TMTC1: variants seen among roughly 807,000 people sequenced by gnomAD.
The protein encoded by TMTC1 is transmembrane O-mannosyltransferase targeting cadherins 1.
TMTC1 carries 73 observed loss-of-function variants against 104.8 expected under a neutral mutation model. That is an observed-to-expected ratio of 0.70 (90% CI 0.58 to 0.85). TMTC1 has a LOEUF of 0.85. TMTC1 is among the 40% of genes least tolerant of loss of function. TMTC1 has a pLI of 0.00. For missense variants in TMTC1, 1,035 were observed against 1,096.1 expected (o/e 0.94, Z 0.79); for synonymous variants, 434 against 428.7 (o/e 1.01, Z -0.15).
At chr12:29,512,657 CTT>C (rs1943872456) in intron 16 of TMTC1, among the ~76,000 whole-genome samples, 1 of 152,116 alleles carries the variant, frequency 6.6e-6, no homozygotes, top group African/African-American at 2.4e-5. Flanking sequence ...ATTAGACAGT[CTT>C]TTTTCCCCTG....
chr12:29,525,037 T>C (rs754534205), intron 11 of TMTC1, among the ~76,000 whole-genome samples: 8 of 149,862 alleles, frequency 5.3e-5, no homozygotes, highest in Non-Finnish European at 1.2e-4. Flanking sequence ...ATTAGCTTTA[T>C]CTTAAGGTTT....
At chr12:29,688,642 T>C (rs1941171708) in intron 5 of TMTC1, among the ~76,000 whole-genome samples, 1 of 152,236 alleles carries the variant, frequency 6.6e-6, no homozygotes. Flanking sequence ...CTGAGTTATG[T>C]GATATAGCAG....
At position 29,525,624 on chromosome 12, in the gene TMTC1, T is replaced by C. The variant is rs114054446; in HGVS notation, c.1786-4904A>G. ...AATCTAGCGAAAGTATACTTTGGCA[T>C]GATGTATTAAAGCCTTGTAGCATTT... On this transcript the variant is annotated intron_variant, in intron 11 of 17. Transcript: ENST00000539277. Among the ~76,000 whole-genome samples the C allele has an allele frequency of 8.9e-3, 1,355 of 151,896 alleles. 26 individuals carry two copies. Among genetic ancestry groups the C allele is most frequent in the African/African-American group, 0.031 (1,287 of 41,420 alleles).
intron 8 of TMTC1, among the ~76,000 whole-genome samples, chr12:29,576,431 C>T (rs1341250228): frequency 6.6e-6 from 1 of 152,076 alleles, no homozygotes. Context: ...GGTATATACA[C>T]ACAATGAAAC....
rs1036572699 is a variant in TMTC1, at chr12:29,624,474, G to A, written c.1128+8673C>T. Among the ~76,000 whole-genome samples, 2 of 152,144 alleles carry A rather than the reference G, an allele frequency of 1.3e-5. 1 individual carries two copies. The highest frequency in any genetic ancestry group is 4.1e-4 in the South Asian group (2 of 4,828). On this transcript the variant is annotated intron_variant, in intron 6 of 17. Coordinates refer to ENST00000539277, the MANE Select transcript of TMTC1 (RefSeq NM_001193451.2). ...ATCACACACAGTATCGCACACACTC[G>A]CTCCTTAATCACACTGATGTCAACT... is the stretch of plus-strand genomic sequence containing the variant.
At chr12:29,574,580 T>C (rs1219115579) in intron 8 of TMTC1, among the ~76,000 whole-genome samples, 3 of 152,220 alleles carry the variant, frequency 2.0e-5, no homozygotes, top group Admixed American at 6.5e-5. Context: ...ATCAAAGTTA[T>C]GGCTGATTCG....
intron 6 of TMTC1, among the ~76,000 whole-genome samples, chr12:29,612,167 A>G (rs1272135093): frequency 6.6e-6 from 1 of 152,184 alleles, no homozygotes; most frequent in Non-Finnish European, 1.5e-5. Flanking sequence ...ATCTGACTTC[A>G]TAGCAGAAAC....
chr12:29,518,594 CT>C lies in TMTC1; in HGVS notation c.1901del (p.Lys634ArgfsTer21). ...TGGCCTGCTGGTAATGGGCCACTGC[CT>C]TTTCTGGTAAGCCTGTAACCAGTGA... is the stretch of plus-strand genomic sequence containing the variant. ...VFLVDTGLPE[K>X]AVAHYQQAIK... is the part of the protein sequence containing the mutation. On this transcript the variant is annotated frameshift_variant, in exon 13 of 18. Coordinates refer to ENST00000539277, the MANE Select transcript of TMTC1 (RefSeq NM_001193451.2). LOFTEE classifies it high-confidence loss of function. 1 of 1,614,054 alleles carries C rather than the reference CT, an allele frequency of 6.2e-7. No homozygotes were observed. Among genetic ancestry groups the C allele is most frequent in the Non-Finnish European group, 8.5e-7 (1 of 1,179,952 alleles).
At chr12:29,680,728 T>G (rs1382831264) in intron 5 of TMTC1, among the ~76,000 whole-genome samples, 1 of 152,166 alleles carries the variant, frequency 6.6e-6, no homozygotes, top group Non-Finnish European at 1.5e-5. Context: ...ACTGGAAGCC[T>G]GTGGAGTTGT....
intron 5 of TMTC1, among the ~76,000 whole-genome samples, chr12:29,643,605 T>A (rs12814019): frequency 7.6e-5 from 4 of 52,388 alleles, no homozygotes; most frequent in African/African-American, 1.1e-4. Flanking sequence ...TATTATATAT[T>A]ATATATAATA....
intron 5 of TMTC1, among the ~76,000 whole-genome samples, chr12:29,716,027 TA>T (rs1360275222): frequency 2.9e-4 from 42 of 146,460 alleles, no homozygotes; most frequent in Non-Finnish European, 4.8e-4. Flanking sequence ...TTATTATTAT[TA>T]TTATTTTAGA....
chr12:29,506,765 T>C lies in TMTC1; in HGVS notation c.*81A>G. 6.5e-7 allele frequency: 1 copy of C among 1,549,188 alleles called. No individual in the cohort carries two copies. The highest frequency in any genetic ancestry group is 2.2e-5 in the East Asian group (1 of 44,466). ...GAGAAAATCTCATTAGTTGTGCCCC[T>C]GCTGATGTGAAAGCAAGGCTTCCAT... On this transcript the variant is annotated 3_prime_UTR_variant, in exon 18 of 18. Coordinates refer to ENST00000539277, the MANE Select transcript of TMTC1 (RefSeq NM_001193451.2).
chr12:29,781,687 G>A (rs1302303998), intron 1 of TMTC1, among the ~76,000 whole-genome samples: 1 of 152,130 alleles, frequency 6.6e-6, no homozygotes, highest in East Asian at 1.9e-4. Flanking sequence ...AATATATCTG[G>A]ATGCACGGCA....
At chr12:29,774,513 G>C (rs1192311247) in intron 1 of TMTC1, among the ~76,000 whole-genome samples, 2 of 152,124 alleles carry the variant, frequency 1.3e-5, no homozygotes, top group East Asian at 3.9e-4. Context: ...TCCAGTGTTG[G>C]GTTCTCCAAC....
Position 29,755,666 on chromosome 12 carries a change from C to A in TMTC1, c.731+43G>T. On this transcript the variant is annotated intron_variant, in intron 4 of 17. Coordinates refer to ENST00000539277, the MANE Select transcript of TMTC1 (RefSeq NM_001193451.2). Reference sequence around the variant, plus strand: ...GAAACTATTAAGTAATTTTTCTCTGCCCATGACATGCCATTTGATATCAAA... The same window carrying A: ...GAAACTATTAAGTAATTTTTCTCTGACCATGACATGCCATTTGATATCAAA... 1.9e-6 allele frequency: 3 copies of A among 1,573,084 alleles called. No homozygotes were observed. In the East Asian group the frequency reaches 6.8e-5, roughly 35 times the overall value.
At chr12:29,566,338 G>T (rs1945513876) in intron 9 of TMTC1, among the ~76,000 whole-genome samples, 1 of 152,176 alleles carries the variant, frequency 6.6e-6, no homozygotes, top group African/African-American at 2.4e-5. Context: ...GGTGTGTCAG[G>T]GGGAGTAAGG....
chr12:29,528,392 T>G (rs1166680249), intron 11 of TMTC1, among the ~76,000 whole-genome samples: 1 of 152,160 alleles, frequency 6.6e-6, no homozygotes, highest in East Asian at 1.9e-4. Context: ...AAATTGGCCT[T>G]CGAGGGCAGC....
At chr12:29,748,854 T>C (rs991693972) in intron 5 of TMTC1, among the ~76,000 whole-genome samples, 6 of 149,490 alleles carry the variant, frequency 4.0e-5, no homozygotes, top group African/African-American at 1.5e-4. Context: ...GTAAATAAAC[T>C]TAAAATTAAA....
At chr12:29,583,619 T>C (rs767472896) in intron 7 of TMTC1, 45 bp from the exon 8 acceptor site, 11 of 1,560,634 alleles carry the variant, frequency 7.0e-6, no homozygotes, top group South Asian at 7.0e-5. Flanking sequence ...GGGGGTGCAA[T>C]AGCTTCCCCC....
Sources: gnomAD v4.1 joint callset for allele counts (sites outside exome capture counted in the v4.1 genomes callset) on GRCh38, gnomAD v4.1.1 for gene constraint, MANE v1.5 for transcripts, NCBI Gene and HGNC (gene_info 2026-07-23, HGNC 2026-07-21) for gene names.